Variants in AGMO observed in about 807,000 individuals in gnomAD.
The protein encoded by AGMO is alkylglycerol monooxygenase, also known as glyceryl-ether monooxygenase.
Under a neutral mutation model 60.2 loss-of-function variants are expected in AGMO, and 75 were observed. The ratio of observed to expected loss-of-function variants is 1.25; its 90% CI spans 1.03 to 1.51. The LOEUF (loss-of-function observed/expected upper bound fraction) is 1.51. Ranked by LOEUF, AGMO falls within the 40% of genes most tolerant of loss-of-function variation. AGMO has a pLI of 0.00. For synonymous variants in AGMO, 261 were observed against 177.1 expected (o/e 1.47, Z -3.76); for missense variants, 763 against 525.5 (o/e 1.45, Z -4.42).
intron 3 of AGMO, among the ~76,000 whole-genome samples, chr7:15,495,139 G>A (rs914985005): frequency 6.6e-6 from 1 of 152,070 alleles, no homozygotes; most frequent in Non-Finnish European, 1.5e-5. Flanking sequence ...CCCCCATCAT[G>A]ATGCTTTTGC....
At chr7:15,395,561 A>G (rs1197729833) in intron 5 of AGMO, among the ~76,000 whole-genome samples, 1 of 152,204 alleles carries the variant, frequency 6.6e-6, no homozygotes, top group East Asian at 1.9e-4. Context: ...TGAAATATAC[A>G]CGACAGCTGA....
chr7:15,506,682 C>T (rs923714619), intron 3 of AGMO, among the ~76,000 whole-genome samples: 2 of 151,986 alleles, frequency 1.3e-5, no homozygotes, highest in African/African-American at 4.8e-5. Context: ...TGCATATTAA[C>T]TCCAATACCA....
chr7:15,365,673 TCA>T (rs1782948323), intron 11 of AGMO, 54 bp from the exon 12 acceptor site: 2 of 1,180,950 alleles, frequency 1.7e-6, no homozygotes, highest in Middle Eastern at 2.0e-4. Context: ...CTTTATATGT[TCA>T]CATGTTATAA....
At chr7:15,353,900 G>T (rs1380309071) in intron 12 of AGMO, among the ~76,000 whole-genome samples, 1 of 152,070 alleles carries the variant, frequency 6.6e-6, no homozygotes, top group African/African-American at 2.4e-5. Context: ...ATGATGCATA[G>T]AAAACTATCA....
intron 12 of AGMO, among the ~76,000 whole-genome samples, chr7:15,253,333 C>A (rs1782996019): frequency 6.6e-6 from 1 of 152,052 alleles, no homozygotes; most frequent in African/African-American, 2.4e-5. Context: ...AAAGTTCTTT[C>A]TTTTATTACT....
At chr7:15,231,836 G>A (rs974507020) in intron 12 of AGMO, among the ~76,000 whole-genome samples, 3 of 152,178 alleles carry the variant, frequency 2.0e-5, no homozygotes, top group Admixed American at 6.5e-5. Context: ...AAGCTGTGCA[G>A]CTTTGTGGCT....
chr7:15,196,458 A>C (rs1335983874), downstream of AGMO, among the ~76,000 whole-genome samples: 4 of 152,194 alleles, frequency 2.6e-5, no homozygotes, highest in Non-Finnish European at 5.9e-5. Context: ...TCTCTTAATT[A>C]ACATCTTTGC....
intron 12 of AGMO, among the ~76,000 whole-genome samples, chr7:15,329,863 G>A (rs910436864): frequency 1.3e-5 from 2 of 152,106 alleles, no homozygotes; most frequent in African/African-American, 4.8e-5. Flanking sequence ...TCCTTACTTT[G>A]TTGGGTTTGG....
chr7:15,429,891 G>T (rs1333444705), intron 4 of AGMO, among the ~76,000 whole-genome samples: 1 of 151,952 alleles, frequency 6.6e-6, no homozygotes. Context: ...AGAACCATAG[G>T]CTTATTTATG....
chr7:15,548,653 A>G (rs1784859482), intron 2 of AGMO, among the ~76,000 whole-genome samples: 1 of 152,126 alleles, frequency 6.6e-6, no homozygotes, highest in African/African-American at 2.4e-5. Context: ...CCTCCAAGAA[A>G]TATGGGACTA....
intron 3 of AGMO, among the ~76,000 whole-genome samples, chr7:15,455,524 T>C (rs1306952779): frequency 6.6e-6 from 1 of 152,110 alleles, no homozygotes; most frequent in Non-Finnish European, 1.5e-5. Flanking sequence ...ATGGTTTTCC[T>C]TTTTACAAGA....
At chr7:15,160,275 T>C in the AGMO span, among the ~76,000 whole-genome samples, 1 of 152,290 alleles carries the variant, frequency 6.6e-6, no homozygotes, top group Non-Finnish European at 1.5e-5. Context: ...GGCAGAAGGA[T>C]TTCTCCCTTT....
At chr7:15,508,690 C>T (rs1783588579) in intron 3 of AGMO, among the ~76,000 whole-genome samples, 1 of 151,810 alleles carries the variant, frequency 6.6e-6, no homozygotes. Context: ...GGGAGATAGT[C>T]CACTTCTCAT....
intron 2 of AGMO, among the ~76,000 whole-genome samples, chr7:15,559,357 C>T (rs541674905): frequency 5.9e-5 from 9 of 152,048 alleles, no homozygotes; most frequent in Non-Finnish European, 1.3e-4. Context: ...GGGATAAGCA[C>T]ACAATTCCAT....
intron 12 of AGMO, among the ~76,000 whole-genome samples, chr7:15,362,627 G>A (rs1782809268): frequency 6.6e-6 from 1 of 152,138 alleles, no homozygotes; most frequent in African/African-American, 2.4e-5. Context: ...TGAAGAACTG[G>A]CCGTGCATGT....
At position 15,548,526 on chromosome 7, in the gene AGMO, G is replaced by C. The variant is rs572028924; in HGVS notation, c.258-3603C>G. On this transcript the variant is annotated intron_variant, in intron 2 of 12. Transcript: ENST00000342526. Reference sequence around the variant, plus strand: ...GAGAACTACGTGAAGAATGCAGAAGGCTCAGGAGCCGATGTGATCAACTGG... The same window carrying C: ...GAGAACTACGTGAAGAATGCAGAAGCCTCAGGAGCCGATGTGATCAACTGG... 2.2e-3 allele frequency among the ~76,000 whole-genome samples: 332 copies of C among 152,104 alleles called. 2 individuals carry two copies. The highest frequency in any genetic ancestry group is 7.5e-3 in the African/African-American group (309 of 41,442).
intron 12 of AGMO, among the ~76,000 whole-genome samples, chr7:15,260,435 T>C (rs150270784): frequency 0.022 from 3,294 of 152,032 alleles, 106 homozygotes; most frequent in African/African-American, 0.076. Flanking sequence ...TATAATATAA[T>C]GATAAAAGGA....
intron 12 of AGMO, among the ~76,000 whole-genome samples, chr7:15,319,301 G>A (rs1781034312): frequency 6.6e-6 from 1 of 152,176 alleles, no homozygotes; most frequent in Non-Finnish European, 1.5e-5. Context: ...AAAATCCAGA[G>A]AGGTGAGTTC....
chr7:15,356,295 A>C (rs1583450258), intron 12 of AGMO, among the ~76,000 whole-genome samples: 1 of 152,332 alleles, frequency 6.6e-6, no homozygotes, highest in East Asian at 1.9e-4. Flanking sequence ...AATAGAAACA[A>C]ACACTAGAGA....
Sources: allele counts gnomAD v4.1 joint callset (sites outside exome capture counted in the v4.1 genomes callset), GRCh38; gene constraint gnomAD v4.1.1; transcripts MANE v1.5; gene names NCBI Gene and HGNC (gene_info 2026-07-23, HGNC 2026-07-21).